The following MACROD2 variants were observed in gnomAD, a reference collection of about 807,000 sequenced individuals.
MACROD2 encodes mono-ADP ribosylhydrolase 2.
A neutral mutation model predicts 70.4 loss-of-function variants in MACROD2; 36 were observed. That is an observed-to-expected ratio of 0.51 (90% CI 0.39 to 0.68). MACROD2 has a LOEUF of 0.68. Among genes scored for constraint, MACROD2 ranks in the 30% least tolerant of loss-of-function variants. MACROD2 has a pLI of 0.00. For missense variants in MACROD2, 496 were observed against 538.4 expected, an observed-to-expected ratio of 0.92 and a Z score of 0.78; for synonymous variants, 172 against 178.8, an observed-to-expected ratio of 0.96 and a Z score of 0.30.
intron 5 of MACROD2, among the ~76,000 whole-genome samples, chr20:15,175,911 G>A (rs530402520): frequency 3.3e-5 from 5 of 152,316 alleles, no homozygotes; most frequent in African/African-American, 4.8e-5. Context: ...GCAGCTGCCC[G>A]ACTGTGGCTC....
intron 6 of MACROD2, among the ~76,000 whole-genome samples, chr20:15,411,090 G>A (rs1002305769): frequency 6.6e-5 from 10 of 151,020 alleles, no homozygotes; most frequent in Admixed American, 6.0e-4. Flanking sequence ...GTCATCTTTG[G>A]AGGGTGAGTA....
chr20:14,544,665 A>T (rs898400340), intron 4 of MACROD2, among the ~76,000 whole-genome samples: 2 of 152,166 alleles, frequency 1.3e-5, no homozygotes, highest in African/African-American at 4.8e-5. Flanking sequence ...TGTGAGAGGT[A>T]ATCTCAAGGA....
chr20:14,201,568 G>T (rs1246237837), intron 3 of MACROD2, among the ~76,000 whole-genome samples: 1 of 152,088 alleles, frequency 6.6e-6, no homozygotes, highest in Non-Finnish European at 1.5e-5. Context: ...CAAGACAGGC[G>T]TGGTGGCTCA....
rs1390421497 is a variant in MACROD2 at position 15,348,438 on chromosome 20, C to T, written c.541-82967C>T. On this transcript the variant is annotated intron_variant, in intron 6 of 17. Coordinates refer to ENST00000684519, the MANE Select transcript of MACROD2 (RefSeq NM_001351661.2). ...CAGCAATTAATGTTTCCTTAACCTC[C>T]AGCATGAAATTTTCATGTTGATTAA... Among the ~76,000 whole-genome samples, 3 of 152,150 alleles carry T rather than the reference C, an allele frequency of 2.0e-5. No homozygotes were observed. In the East Asian group the frequency reaches 5.8e-4, roughly 29 times the overall value.
chr20:15,440,263 G>A (rs918303825), intron 7 of MACROD2, among the ~76,000 whole-genome samples: 9 of 152,172 alleles, frequency 5.9e-5, no homozygotes, highest in Admixed American at 1.3e-4. Flanking sequence ...TATGTAGAGA[G>A]GAAGGAATTT....
chr20:14,397,510 G>A (rs2083593513), intron 3 of MACROD2, among the ~76,000 whole-genome samples: 1 of 152,088 alleles, frequency 6.6e-6, no homozygotes, highest in African/African-American at 2.4e-5. Flanking sequence ...CTTTGGCTAT[G>A]TGTTATTTTT....
At chr20:16,048,779 A>G (rs1370158865) in intron 17 of MACROD2, among the ~76,000 whole-genome samples, 1 of 150,804 alleles carries the variant, frequency 6.6e-6, no homozygotes, top group Non-Finnish European at 1.5e-5. Context: ...GTATGTATCC[A>G]TCCTATGGCC....
At chr20:15,430,527 G>T (rs1333004444) in intron 6 of MACROD2, among the ~76,000 whole-genome samples, 1 of 151,974 alleles carries the variant, frequency 6.6e-6, no homozygotes, top group Non-Finnish European at 1.5e-5. Flanking sequence ...GGCAGAGAAA[G>T]TTGCCATACC....
intron 8 of MACROD2, among the ~76,000 whole-genome samples, chr20:15,626,291 A>G (rs534613022): frequency 3.3e-5 from 5 of 152,252 alleles, no homozygotes; most frequent in Admixed American, 1.3e-4. Context: ...TATGTTACTG[A>G]AAGAAGCAGT....
At chr20:14,480,145 G>A (rs1392881132) in intron 3 of MACROD2, among the ~76,000 whole-genome samples, 1 of 152,092 alleles carries the variant, frequency 6.6e-6, no homozygotes, top group Non-Finnish European at 1.5e-5. Context: ...CTCCAAAAGT[G>A]CTGGGATTAC....
intron 5 of MACROD2, among the ~76,000 whole-genome samples, chr20:15,151,743 C>T (rs953137537): frequency 2.6e-5 from 4 of 151,950 alleles, no homozygotes; most frequent in African/African-American, 4.8e-5. Context: ...ATGTCTTTAG[C>T]TCTAGCCACC....
chr20:14,106,054 A>G (rs2054363815), intron 3 of MACROD2, among the ~76,000 whole-genome samples: 1 of 152,144 alleles, frequency 6.6e-6, no homozygotes, highest in Admixed American at 6.5e-5. Flanking sequence ...TGTGGTGGCT[A>G]TGGTGAAAGA....
At chr20:15,309,855 G>A (rs1335592688) in intron 6 of MACROD2, among the ~76,000 whole-genome samples, 3 of 152,180 alleles carry the variant, frequency 2.0e-5, no homozygotes, top group Non-Finnish European at 4.4e-5. Flanking sequence ...CTCAGAATAA[G>A]AAGCGAATAA....
At chr20:15,275,353 T>G (rs941055556) in intron 6 of MACROD2, among the ~76,000 whole-genome samples, 67 of 152,232 alleles carry the variant, frequency 4.4e-4, no homozygotes, top group African/African-American at 1.5e-3. Context: ...CTAACAACAA[T>G]GGGGAGTCCT....
intron 17 of MACROD2, among the ~76,000 whole-genome samples, chr20:16,047,961 A>C (rs1197166666): frequency 2.6e-5 from 4 of 152,200 alleles, no homozygotes; most frequent in Admixed American, 6.6e-5. Flanking sequence ...CTGCATGGGG[A>C]GAGAAAAAGG....
At chr20:14,481,405 A>G (rs559882742) in intron 3 of MACROD2, among the ~76,000 whole-genome samples, 27 of 152,320 alleles carry the variant, frequency 1.8e-4, no homozygotes, top group African/African-American at 6.5e-4. Context: ...TCTCTTATAG[A>G]TAATTCCAGA....
intron 4 of MACROD2, among the ~76,000 whole-genome samples, chr20:14,500,000 A>C (rs762258459): frequency 1.4e-4 from 22 of 152,328 alleles, no homozygotes; most frequent in Admixed American, 3.3e-4. Context: ...GAACAAAGGA[A>C]GTCAACAGCT....
intron 2 of MACROD2, among the ~76,000 whole-genome samples, chr20:14,035,367 G>T (rs953595511): frequency 1.3e-5 from 2 of 152,070 alleles, no homozygotes; most frequent in Non-Finnish European, 2.9e-5. Context: ...TTATTTTCAG[G>T]GAAAGTAGCC....
intron 10 of MACROD2, among the ~76,000 whole-genome samples, chr20:15,896,273 G>A (rs1183501565): frequency 6.6e-6 from 1 of 151,974 alleles, no homozygotes; most frequent in Non-Finnish European, 1.5e-5. Context: ...CTTCTTTAGG[G>A]TTCCCTGGCC....
Sources: allele counts gnomAD v4.1 joint callset (sites outside exome capture counted in the v4.1 genomes callset), GRCh38; gene constraint gnomAD v4.1.1; transcripts MANE v1.5; gene names NCBI Gene and HGNC (gene_info 2026-07-23, HGNC 2026-07-21).